The following DPP6 variants were observed in gnomAD, a reference collection of about 807,000 sequenced individuals.
DPP6 encodes dipeptidyl peptidase like 6.
A neutral mutation model predicts 122.6 loss-of-function variants in DPP6; 69 were observed. The observed-to-expected ratio is 0.56, with a 90% CI of 0.46 to 0.69. The LOEUF (loss-of-function observed/expected upper bound fraction) is 0.69. Ranked by LOEUF, DPP6 falls within the 30% of genes least tolerant of loss-of-function variation. DPP6 has a pLI of 0.00. For synonymous variants in DPP6, 418 were observed against 433.1 expected, an observed-to-expected ratio of 0.97 and a Z score of 0.43; for missense variants, 928 against 1,116.9, an observed-to-expected ratio of 0.83 and a Z score of 2.41.
intron 1 of DPP6, among the ~76,000 whole-genome samples, chr7:153,900,168 G>T (rs1305604574): frequency 1.3e-5 from 2 of 151,944 alleles, no homozygotes; most frequent in South Asian, 2.1e-4. Flanking sequence ...CAAACTCTTT[G>T]TGGTGAAGTG....
intron 1 of DPP6, among the ~76,000 whole-genome samples, chr7:154,399,719 G>A (rs1021793936): frequency 9.2e-5 from 14 of 152,170 alleles, no homozygotes; most frequent in African/African-American, 3.4e-4. Context: ...GCAGAGAGGT[G>A]GATGCATGGG....
chr7:154,868,179 C>G lies in DPP6; in HGVS notation c.1813+86C>G, dbSNP rs60134921. 0.034 allele frequency: 51,347 copies of G among 1,502,886 alleles called. 3,251 individuals carry two copies. Among genetic ancestry groups the G allele is most frequent in the African/African-American group, 0.27 (19,385 of 71,512 alleles). 93.1% of individuals were successfully genotyped at this position (1,502,886 alleles called of 1,614,324 possible). On this transcript the variant is annotated intron_variant, in intron 18 of 25. Transcript: ENST00000377770. ...AGTGCAGTCATCAGCAGCAGGTGCC[C>G]TGCAAGGAAGACTCCCCAAGCACGG...
intron 1 of DPP6, among the ~76,000 whole-genome samples, chr7:154,388,726 TG>T (rs1326231316): frequency 6.6e-6 from 1 of 152,030 alleles, no homozygotes; most frequent in Non-Finnish European, 1.5e-5. Context: ...AAGATGTGAA[TG>T]GGGGTGGTTT....
chr7:154,065,574 C>T (rs1802649030), intron 1 of DPP6, among the ~76,000 whole-genome samples: 1 of 151,774 alleles, frequency 6.6e-6, no homozygotes. Flanking sequence ...ACTACCTAAG[C>T]AGTTACACCA....
chr7:154,562,249 G>A (rs955556157), intron 4 of DPP6, among the ~76,000 whole-genome samples: 16 of 151,992 alleles, frequency 1.1e-4, no homozygotes, highest in Admixed American at 3.3e-4. Flanking sequence ...AATACATCAC[G>A]GTCGAATAGC....
intron 1 of DPP6, among the ~76,000 whole-genome samples, chr7:154,129,935 G>C (rs1192044290): frequency 6.6e-6 from 1 of 151,690 alleles, no homozygotes; most frequent in Non-Finnish European, 1.5e-5. Context: ...AATTAGCTGG[G>C]CATGGTGACA....
At chr7:153,906,989 A>G (rs886329597) in intron 1 of DPP6, among the ~76,000 whole-genome samples, 1 of 152,174 alleles carries the variant, frequency 6.6e-6, no homozygotes, top group African/African-American at 2.4e-5. Flanking sequence ...TTTTTGATAA[A>G]ATAAGTTATT....
At chr7:154,383,890 C>CAA (rs375015144) in intron 1 of DPP6, among the ~76,000 whole-genome samples, 53,110 of 106,140 alleles carry the variant, frequency 0.5, 14,244 homozygotes, top group East Asian at 0.69. Context: ...ACTCTGTCTC[C>CAA]AAAAAAAAAA....
At chr7:153,919,945 C>A (rs1473137828) in intron 1 of DPP6, among the ~76,000 whole-genome samples, 2 of 152,172 alleles carry the variant, frequency 1.3e-5, no homozygotes, top group East Asian at 3.8e-4. Context: ...CCTAGACACA[C>A]CTGCCCAGGA....
At chr7:154,071,366 C>T (rs532413396) in intron 1 of DPP6, among the ~76,000 whole-genome samples, 4 of 152,246 alleles carry the variant, frequency 2.6e-5, no homozygotes, top group Admixed American at 6.5e-5. Flanking sequence ...AGTGACCCTC[C>T]GAAGGCCTTG....
chr7:154,362,086 GGTGAATTCAGGGAGGTT>G (rs1811776211), intron 1 of DPP6, among the ~76,000 whole-genome samples: 1 of 152,206 alleles, frequency 6.6e-6, no homozygotes, highest in South Asian at 2.1e-4. Context: ...GTATCTAAAG[GGTGAATTCAGGGAGGTT>G]GTGCTACAGC....
chr7:153,923,931 A>G lies in DPP6; in HGVS notation c.51+36197A>G, dbSNP rs1585038870. The stretch of plus-strand genomic sequence containing the variant: ...AAAAGGATAATACTAGAAAATAAAT[A>G]CTAACTCAGCCATGCTATGGTTTAA... On this transcript the variant is annotated intron_variant, in intron 1 of 25. Coordinates refer to the DPP6 transcript ENST00000404039. 2.6e-5 allele frequency among the ~76,000 whole-genome samples: 4 copies of G among 152,116 alleles called. No individual in the cohort carries two copies. In the East Asian group the frequency reaches 7.7e-4, roughly 29 times the overall value.
chr7:154,421,347 G>T (rs894834485), intron 1 of DPP6, among the ~76,000 whole-genome samples: 2 of 150,420 alleles, frequency 1.3e-5, no homozygotes, highest in African/African-American at 2.5e-5. Context: ...TTTGAGATGG[G>T]GTGTTGCTCT....
At chr7:153,950,116 C>G (rs1227900303) in intron 1 of DPP6, among the ~76,000 whole-genome samples, 3 of 152,164 alleles carry the variant, frequency 2.0e-5, no homozygotes, top group Non-Finnish European at 4.4e-5. Flanking sequence ...TAGGCTCAGC[C>G]TCAGGTGGAA....
chr7:153,800,943 A>G, the DPP6 span, among the ~76,000 whole-genome samples: 1 of 152,262 alleles, frequency 6.6e-6, no homozygotes, highest in Admixed American at 6.5e-5. Flanking sequence ...TGATCATTAC[A>G]TGTTGCATGC....
intron 1 of DPP6, among the ~76,000 whole-genome samples, chr7:154,078,364 AC>A (rs1803722696): frequency 6.7e-6 from 1 of 150,364 alleles, no homozygotes; most frequent in African/African-American, 2.4e-5. Flanking sequence ...ACACACACAC[AC>A]ACACACACAC....
chr7:154,212,610 C>T (rs1367772412), intron 1 of DPP6, among the ~76,000 whole-genome samples: 2 of 152,136 alleles, frequency 1.3e-5, no homozygotes, highest in African/African-American at 2.4e-5. Context: ...ATCGAGGTCT[C>T]GGAGCTCAAT....
chr7:154,128,640 C>T (rs571016961), intron 1 of DPP6, among the ~76,000 whole-genome samples: 29 of 152,226 alleles, frequency 1.9e-4, no homozygotes, highest in Admixed American at 3.9e-4. Context: ...CCACCCGCCT[C>T]GGCCTCCCAA....
chr7:154,023,731 C>G (rs1212757316), intron 1 of DPP6, among the ~76,000 whole-genome samples: 2 of 152,152 alleles, frequency 1.3e-5, no homozygotes, highest in Non-Finnish European at 2.9e-5. Flanking sequence ...ATTCGCTCGC[C>G]TTGGCCTCCC....
Sources: gnomAD v4.1 joint callset for allele counts (sites outside exome capture counted in the v4.1 genomes callset) on GRCh38, gnomAD v4.1.1 for gene constraint, MANE v1.5 for transcripts, NCBI Gene and HGNC (gene_info 2026-07-23, HGNC 2026-07-21) for gene names.